Variants in SLIT3 observed in about 807,000 individuals in gnomAD.
The protein encoded by SLIT3 is slit guidance ligand 3.
SLIT3 carries 68 observed loss-of-function variants against 184.0 expected under a neutral mutation model. The ratio of observed to expected loss-of-function variants is 0.37; its 90% CI spans 0.30 to 0.45. The LOEUF is 0.45. SLIT3 is among the 20% of genes least tolerant of loss of function. SLIT3 has a pLI of 1.00. For missense variants in SLIT3, 1,707 were observed against 2,026.0 expected, an observed-to-expected ratio of 0.84 and a Z score of 3.02; for synonymous variants, 831 against 828.6, an observed-to-expected ratio of 1.00 and a Z score of -0.05.
chr5:168,718,677 TACACACACACACACACACAC>T (rs1163238928), intron 23 of SLIT3, among the ~76,000 whole-genome samples: 17 of 108,676 alleles, frequency 1.6e-4, no homozygotes, highest in African/African-American at 3.3e-4. Flanking sequence ...TATCCACCCA[TACACACACACACACACACAC>T]ACACACACAC....
chr5:169,168,213 AAC>A (rs1353493246), intron 4 of SLIT3, among the ~76,000 whole-genome samples: 1 of 152,244 alleles, frequency 6.6e-6, no homozygotes, highest in Non-Finnish European at 1.5e-5. Context: ...CAGTAATGAA[AAC>A]AGTTTCCAGA....
Position 168,726,338 on chromosome 5 carries a change from TGGAGAGGGAGGCAGGGAG to T in SLIT3, c.2271-1872_2271-1855del, listed in dbSNP as rs1389959196. On this transcript the variant is annotated intron_variant, in intron 20 of 35. Coordinates refer to ENST00000519560, the MANE Select transcript of SLIT3 (RefSeq NM_003062.4). ...CAGGCAATTAAAAATCAAATATAGGTGGAGAGGGAGGCAGGGAGGGAGAGGGAGGCAGGGAGGGAGAGG... is the reference window on the plus strand; with the variant it reads ...CAGGCAATTAAAAATCAAATATAGGTGGAGAGGGAGGCAGGGAGGGAGAGG... Among the ~76,000 whole-genome samples the T allele has an allele frequency of 1.0e-2, 753 of 75,348 alleles. 3 individuals are homozygous for T. The highest frequency in any genetic ancestry group is 0.017 in the African/African-American group (354 of 21,254). 49.4% of individuals were successfully genotyped at this position (75,348 alleles called of 152,430 possible).
chr5:168,905,468 A>G (rs1761017376), intron 4 of SLIT3, among the ~76,000 whole-genome samples: 1 of 152,242 alleles, frequency 6.6e-6, no homozygotes, highest in Non-Finnish European at 1.5e-5. Context: ...GTGAAGTACG[A>G]TCATGTATCT....
intron 4 of SLIT3, among the ~76,000 whole-genome samples, chr5:168,884,547 G>GATATATATAT (rs1491371300): frequency 9.7e-4 from 9 of 9,316 alleles, no homozygotes; most frequent in South Asian, 5.3e-3. Flanking sequence ...TACCAATTAC[G>GATATATATAT]AGATATATAT....
chr5:168,715,736 G>A (rs1165440434), intron 23 of SLIT3, among the ~76,000 whole-genome samples: 3 of 152,190 alleles, frequency 2.0e-5, no homozygotes, highest in Non-Finnish European at 2.9e-5. Context: ...GCAGTGGCAC[G>A]ATCTTGGCCC....
chr5:168,994,825 A>G (rs1260559054), intron 4 of SLIT3, among the ~76,000 whole-genome samples: 4 of 151,210 alleles, frequency 2.6e-5, no homozygotes, highest in Admixed American at 6.6e-5. Context: ...GTATTTTTCT[A>G]GAAACGGGGT....
chr5:168,877,640 G>T (rs1463638317), intron 5 of SLIT3, among the ~76,000 whole-genome samples: 1 of 152,186 alleles, frequency 6.6e-6, no homozygotes, highest in African/African-American at 2.4e-5. Flanking sequence ...CAGGAAGCAG[G>T]AGGGCAGACA....
intron 4 of SLIT3, among the ~76,000 whole-genome samples, chr5:169,173,195 G>C (rs1350613818): frequency 6.6e-6 from 1 of 152,150 alleles, no homozygotes; most frequent in Non-Finnish European, 1.5e-5. Context: ...CGGGAGGCGA[G>C]GGTTGCAGTG....
intron 4 of SLIT3, among the ~76,000 whole-genome samples, chr5:169,168,744 C>T (rs2113411349): frequency 6.6e-6 from 1 of 152,364 alleles, no homozygotes; most frequent in Non-Finnish European, 1.5e-5. Context: ...ACCTGATCCC[C>T]TTCAAGGCCT....
At chr5:169,005,059 CA>C (rs1755864421) in intron 4 of SLIT3, among the ~76,000 whole-genome samples, 1 of 152,284 alleles carries the variant, frequency 6.6e-6, no homozygotes. Flanking sequence ...TTTCCAACAG[CA>C]GGAATACTTC....
At chr5:168,692,764 CA>C in intron 28 of SLIT3, 64 bp from the exon 29 acceptor site, 1 of 1,187,566 alleles carries the variant, frequency 8.4e-7, no homozygotes, top group Non-Finnish European at 1.3e-6. Context: ...GCCAGAAGAT[CA>C]GAGTACTAGG....
intron 4 of SLIT3, among the ~76,000 whole-genome samples, chr5:169,108,265 G>T (rs768038443): frequency 3.3e-5 from 5 of 152,230 alleles, no homozygotes; most frequent in Non-Finnish European, 7.3e-5. Context: ...AGTCTTCAGG[G>T]TCAAGCAACC....
chr5:169,211,779 T>C (rs1022053790), intron 3 of SLIT3, among the ~76,000 whole-genome samples: 1 of 152,152 alleles, frequency 6.6e-6, no homozygotes, highest in East Asian at 1.9e-4. Context: ...CCTAATGCTA[T>C]CCCTCCCCTA....
At chr5:168,778,614 A>G (rs1203684972) in intron 12 of SLIT3, among the ~76,000 whole-genome samples, 2 of 152,216 alleles carry the variant, frequency 1.3e-5, no homozygotes, top group Non-Finnish European at 2.9e-5. Flanking sequence ...TTGCATCTGT[A>G]CGAGGCAAGG....
chr5:168,800,210 T>C (rs1254175582), intron 9 of SLIT3, among the ~76,000 whole-genome samples: 2 of 152,220 alleles, frequency 1.3e-5, no homozygotes, highest in African/African-American at 4.8e-5. Context: ...CCTTTCAAGG[T>C]TATGCTCTGG....
intron 28 of SLIT3, among the ~76,000 whole-genome samples, chr5:168,693,537 C>T (rs1046624919): frequency 1.3e-5 from 2 of 152,166 alleles, no homozygotes; most frequent in Admixed American, 6.5e-5. Context: ...CAGCAGCTCC[C>T]AAGCAACACC....
chr5:168,669,352 G>A (rs1285749111), intron 35 of SLIT3, among the ~76,000 whole-genome samples: 1 of 152,182 alleles, frequency 6.6e-6, no homozygotes, highest in Non-Finnish European at 1.5e-5. Context: ...ACTCATGCAG[G>A]GCAGAACTGG....
At chr5:168,717,761 T>C (rs7704315) in intron 23 of SLIT3, among the ~76,000 whole-genome samples, 69,659 of 151,284 alleles carry the variant, frequency 0.46, 16,192 homozygotes, top group East Asian at 0.62. Flanking sequence ...CCCAGGTTCA[T>C]GCCATTCTGC....
chr5:168,777,109 C>A (rs7726981), intron 12 of SLIT3, among the ~76,000 whole-genome samples: 1,860 of 12,204 alleles, frequency 0.15, 48 homozygotes, highest in Admixed American at 0.2. Flanking sequence ...ACACACACCC[C>A]CCATACCACA....
Sources: allele counts gnomAD v4.1 joint callset (sites outside exome capture counted in the v4.1 genomes callset), GRCh38; gene constraint gnomAD v4.1.1; transcripts MANE v1.5; gene names NCBI Gene and HGNC (gene_info 2026-07-23, HGNC 2026-07-21).